Variants in OPCML observed in about 807,000 individuals in gnomAD.
The protein encoded by OPCML is opioid-binding protein/cell adhesion molecule.
Under a neutral mutation model 37.8 loss-of-function variants are expected in OPCML, and 13 were observed. That is an observed-to-expected ratio of 0.34 (90% CI 0.22 to 0.55). The LOEUF is 0.55. Ranked by LOEUF, OPCML falls within the 20% of genes least tolerant of loss-of-function variation. The probability of loss-of-function intolerance (pLI) is 0.91; values close to 1 mark genes in which losing one functional copy is unlikely to be tolerated. For missense variants in OPCML, 341 were observed against 435.6 expected (o/e 0.78, Z 1.93); for synonymous variants, 176 against 168.8 (o/e 1.04, Z -0.33).
At chr11:133,264,548 G>A (rs1941595491) in intron 1 of OPCML, among the ~76,000 whole-genome samples, 1 of 152,136 alleles carries the variant, frequency 6.6e-6, no homozygotes, top group African/African-American at 2.4e-5. Context: ...CTGCCCAACA[G>A]TCCTATGCGG....
chr11:133,342,973 G>A (rs1943909532), intron 1 of OPCML, among the ~76,000 whole-genome samples: 1 of 152,130 alleles, frequency 6.6e-6, no homozygotes. Context: ...CACAATCATA[G>A]CTCGCTGCAA....
chr11:133,404,072 T>C (rs777701988), intron 1 of OPCML, among the ~76,000 whole-genome samples: 1 of 152,218 alleles, frequency 6.6e-6, no homozygotes, highest in Admixed American at 6.5e-5. Flanking sequence ...GGAGAACCTG[T>C]GCTCTGCGGC....
intron 3 of OPCML, among the ~76,000 whole-genome samples, chr11:132,558,049 T>A (rs2096399974): frequency 6.6e-6 from 1 of 152,152 alleles, no homozygotes; most frequent in South Asian, 2.1e-4. Flanking sequence ...GGCATGTGAG[T>A]AGTTAGAGGA....
chr11:133,432,147 A>G (rs1046705267), intron 1 of OPCML, among the ~76,000 whole-genome samples: 3 of 152,052 alleles, frequency 2.0e-5, no homozygotes, highest in African/African-American at 7.2e-5. Flanking sequence ...GCAAGGTACT[A>G]TGCTCATTAC....
intron 3 of OPCML, among the ~76,000 whole-genome samples, chr11:132,568,976 G>T (rs1236216399): frequency 6.6e-6 from 1 of 152,190 alleles, no homozygotes; most frequent in Non-Finnish European, 1.5e-5. Flanking sequence ...TGAAAAGCAG[G>T]AGGAAAGCCA....
intron 1 of OPCML, among the ~76,000 whole-genome samples, chr11:133,379,062 T>C (rs750770286): frequency 6.6e-6 from 1 of 152,204 alleles, no homozygotes; most frequent in East Asian, 1.9e-4. Context: ...GGCCACTATA[T>C]GCAAATTTGA....
At chr11:133,530,066 C>T (rs151053979) in intron 1 of OPCML, among the ~76,000 whole-genome samples, 7 of 152,318 alleles carry the variant, frequency 4.6e-5, no homozygotes, top group African/African-American at 1.7e-4. Context: ...ATGTCCACAC[C>T]CTGCTCTCCC....
intron 1 of OPCML, among the ~76,000 whole-genome samples, chr11:133,364,372 A>C (rs971425817): frequency 3.9e-5 from 6 of 152,216 alleles, no homozygotes; most frequent in Non-Finnish European, 7.3e-5. Context: ...ACATTAACAG[A>C]GCAGTAGTAG....
chr11:133,428,951 T>G (rs1005951863), intron 1 of OPCML, among the ~76,000 whole-genome samples: 5 of 152,186 alleles, frequency 3.3e-5, no homozygotes, highest in African/African-American at 1.2e-4. Context: ...AACAAAATCT[T>G]AGTGATTCAA....
chr11:133,003,872 G>A (rs945660602), intron 1 of OPCML: 19 of 985,216 alleles, frequency 1.9e-5, no homozygotes, highest in Non-Finnish European at 2.3e-5. Flanking sequence ...GTGTGCCCTC[G>A]ACCCCTTTTG....
At chr11:133,504,907 A>C (rs7118965) in intron 1 of OPCML, among the ~76,000 whole-genome samples, 33,509 of 152,180 alleles carry the variant, frequency 0.22, 4,348 homozygotes, top group African/African-American at 0.34. Context: ...AATTAGTCCA[A>C]ACCATTAAAA....
intron 2 of OPCML, among the ~76,000 whole-genome samples, chr11:132,731,315 T>G (rs932395996): frequency 3.3e-5 from 5 of 152,174 alleles, no homozygotes; most frequent in Non-Finnish European, 7.3e-5. Flanking sequence ...CCAAACCAAA[T>G]AGACCCTCCA....
intron 1 of OPCML, among the ~76,000 whole-genome samples, chr11:133,140,766 AGAAGAAG>A (rs1383607154): frequency 3.6e-5 from 4 of 112,568 alleles, no homozygotes; most frequent in Non-Finnish European, 7.4e-5. Context: ...AAGACGACGA[AGAAGAAG>A]AAGAAGAAGA....
intron 1 of OPCML, among the ~76,000 whole-genome samples, chr11:133,105,496 AG>A (rs1376026834): frequency 6.6e-6 from 1 of 152,218 alleles, no homozygotes; most frequent in African/African-American, 2.4e-5. Flanking sequence ...CAGAAATCAA[AG>A]GTAAGGGAAT....
intron 1 of OPCML, among the ~76,000 whole-genome samples, chr11:133,398,222 GATGT>G (rs1945328016): frequency 6.6e-6 from 1 of 152,238 alleles, no homozygotes; most frequent in Non-Finnish European, 1.5e-5. Context: ...TTATTTCAGT[GATGT>G]TTTCAAGCCT....
At chr11:132,665,397 G>A (rs1360320745) in intron 2 of OPCML, among the ~76,000 whole-genome samples, 5 of 152,232 alleles carry the variant, frequency 3.3e-5, no homozygotes, top group East Asian at 3.9e-4. Flanking sequence ...CCTGAATGCA[G>A]AAAGCAATTT....
chr11:133,412,242 C>T (rs1231303559), intron 1 of OPCML, among the ~76,000 whole-genome samples: 1 of 152,160 alleles, frequency 6.6e-6, no homozygotes, highest in Admixed American at 6.5e-5. Context: ...TGGAGAGGCC[C>T]ACCTAGGAGG....
chr11:132,962,628 G>A lies in OPCML; in HGVS notation c.62-19618C>T, dbSNP rs116768356. Reference sequence around the variant, plus strand: ...ATTTATTTCTTCAAACACACTCCCCGAATGGACAAGTCTGTGTTTAAAACC... The same window carrying A: ...ATTTATTTCTTCAAACACACTCCCCAAATGGACAAGTCTGTGTTTAAAACC... On this transcript the variant is annotated intron_variant, in intron 1 of 7. Transcript: ENST00000524381. 3.2e-3 allele frequency among the ~76,000 whole-genome samples: 486 copies of A among 152,218 alleles called. 5 individuals carry two copies. The highest frequency in any genetic ancestry group is 0.01 in the African/African-American group (427 of 41,528).
chr11:132,679,559 A>G (rs1942852173), intron 2 of OPCML, among the ~76,000 whole-genome samples: 1 of 152,220 alleles, frequency 6.6e-6, no homozygotes, highest in Non-Finnish European at 1.5e-5. Context: ...AAGACAGAAA[A>G]TAGTTGCTTG....
Sources: allele counts gnomAD v4.1 joint callset (sites outside exome capture counted in the v4.1 genomes callset), GRCh38; gene constraint gnomAD v4.1.1; transcripts MANE v1.5; gene names NCBI Gene and HGNC (gene_info 2026-07-23, HGNC 2026-07-21).